The following ZNF334 variants were observed in gnomAD, a reference collection of about 807,000 sequenced individuals.
ZNF334 encodes the protein zinc finger protein 334.
In ZNF334, 14 loss-of-function variants were observed where a neutral mutation model predicts 12.4. The observed-to-expected ratio is 1.13, with a 90% CI of 0.74 to 1.76. The LOEUF is 1.76. ZNF334 is among the 40% of genes most tolerant of loss of function. The pLI, the probability that ZNF334 is intolerant of heterozygous loss-of-function variation, is 0.00. For missense variants in ZNF334, 797 were observed against 804.5 expected (o/e 0.99, Z 0.11); for synonymous variants, 273 against 269.6 (o/e 1.01, Z -0.12).
downstream of ZNF334, among the ~76,000 whole-genome samples, chr20:46,494,994 A>G (rs1481242394): frequency 6.6e-6 from 1 of 152,218 alleles, no homozygotes; most frequent in East Asian, 1.9e-4. Context: ...GCTATTCATA[A>G]CATTCTCATT....
Position 46,512,078 on chromosome 20 carries a change from T to C in ZNF334, c.21+4A>G, listed in dbSNP as rs1314260944. 6.2e-7 allele frequency: 1 copy of C among 1,613,814 alleles called. No homozygotes were observed. Among genetic ancestry groups the C allele is most frequent in the African/African-American group, 1.3e-5 (1 of 75,054 alleles). On this transcript the variant is annotated splice_donor_region_variant and intron_variant, in intron 2 of 4. Transcript: ENST00000692313. ...TGTGAGAAGTAAATCCCTGAGCAAC[T>C]TACCTGAAATTTTTTCATTTTCATG...
the ZNF334 span, chr20:46,464,021 C>T: frequency 9.5e-6 from 6 of 634,774 alleles, no homozygotes; most frequent in Non-Finnish European, 1.5e-5. Flanking sequence ...TCAAAGGTGA[C>T]AACCTCTTCT....
chr20:46,474,334 C>T, the ZNF334 span, among the ~76,000 whole-genome samples: 47 of 151,162 alleles, frequency 3.1e-4, 1 homozygote, highest in East Asian at 3.1e-3. Context: ...GAGCCAAGAC[C>T]ATGCCACTGC....
chr20:46,504,191 C>T (rs747870095), intron 4 of ZNF334, 23 bp downstream of exon 4: 2 of 1,533,282 alleles, frequency 1.3e-6, no homozygotes, highest in Admixed American at 1.8e-5. Context: ...TTGGTTCCAC[C>T]TGCTCAGTTA....
In ZNF334 at chr20:46,501,856, C is replaced by T; in HGVS notation, c.1483G>A (p.Gly495Ser). The T allele has an allele frequency of 6.2e-7, 1 of 1,614,054 alleles. No homozygotes were observed. The highest frequency in any genetic ancestry group is 1.1e-5 in the South Asian group (1 of 91,084). ...GEKHGVFNKC[G>S]RISIVKSNCS... ...TTTGACTTCACAATGGAGATTCTAC[C>T]ACATTTATTAAACACACCATGTTTC... is the stretch of plus-strand genomic sequence containing the variant. The change falls in exon 5 of 5, where the codon GGT becomes AGT. Residue 495 changes from glycine to serine, a missense_variant. Coordinates refer to ENST00000692313, the MANE Select transcript of ZNF334 (RefSeq NM_001353824.2).
At chr20:46,468,179 G>A in the ZNF334 span, among the ~76,000 whole-genome samples, 41,822 of 152,144 alleles carry the variant, frequency 0.27, 6,909 homozygotes, top group African/African-American at 0.47. Flanking sequence ...GGCGGTGCAC[G>A]ACAGCAGCAG....
At chr20:46,508,018 G>A (rs1438980501) in intron 2 of ZNF334, among the ~76,000 whole-genome samples, 1 of 152,170 alleles carries the variant, frequency 6.6e-6, no homozygotes, top group Non-Finnish European at 1.5e-5. Flanking sequence ...AGAAAGTTCT[G>A]TACTTGCTCA....
At chr20:46,483,989 G>A in the ZNF334 span, among the ~76,000 whole-genome samples, 3 of 152,180 alleles carry the variant, frequency 2.0e-5, no homozygotes, top group Non-Finnish European at 2.9e-5. Context: ...GAGAGACTCT[G>A]TCAAATCTTT....
chr20:46,463,930 T>A, the ZNF334 span: 1 of 536,420 alleles, frequency 1.9e-6, no homozygotes, highest in South Asian at 1.5e-5. Context: ...CAGATCATCA[T>A]GGAACAAGTC....
In ZNF334 at chr20:46,500,646, G is replaced by T. The variant is rs1395799625; in HGVS notation, c.*650C>A. ...CTTCTTGACTTAGCTGAAAGCTTCAGGATCATGAACTAGTTATCCTGTGCC... is the reference window on the plus strand; with the variant it reads ...CTTCTTGACTTAGCTGAAAGCTTCATGATCATGAACTAGTTATCCTGTGCC... On this transcript the variant is annotated 3_prime_UTR_variant, in exon 5 of 5. Transcript: ENST00000692313. 1 of 152,208 alleles carries T rather than the reference G, an allele frequency of 6.6e-6. No homozygotes were observed. The highest frequency in any genetic ancestry group is 1.9e-4 in the East Asian group (1 of 5,194). 9.4% of individuals were successfully genotyped at this position (152,208 alleles called of 1,614,324 possible). A position where few individuals can be genotyped will look rare whatever the true frequency, so the allele number is the denominator to read the frequency against.
the ZNF334 span, chr20:46,465,212 C>A: frequency 5.1e-6 from 1 of 195,256 alleles, no homozygotes; most frequent in Non-Finnish European, 1.0e-5. Context: ...GGGATAGCTG[C>A]TGCTGCAGGT....
chr20:46,504,874 T>G (rs1675036241), intron 2 of ZNF334, 134 bp from the exon 3 acceptor site: 8 of 713,930 alleles, frequency 1.1e-5, no homozygotes, highest in Non-Finnish European at 1.7e-5. Flanking sequence ...GGGCAGAAAA[T>G]TAAAAATCTG....
chr20:46,509,471 GC>G (rs2061562765), intron 2 of ZNF334: 2 of 669,606 alleles, frequency 3.0e-6, no homozygotes, highest in South Asian at 3.2e-5. Flanking sequence ...CCAAAGAGGG[GC>G]AAGTTTCCTC....
chr20:46,468,804 G>T, the ZNF334 span, among the ~76,000 whole-genome samples: 3 of 152,166 alleles, frequency 2.0e-5, no homozygotes, highest in South Asian at 6.2e-4. Context: ...CTTTAACATG[G>T]TCTGCAGTCT....
At chr20:46,504,160 A>G in intron 4 of ZNF334, 54 bp downstream of exon 4, 1 of 1,255,350 alleles carries the variant, frequency 8.0e-7, no homozygotes, top group Non-Finnish European at 1.1e-6. Context: ...ACCACCGACC[A>G]CCATGGAACT....
chr20:46,495,428 A>G (rs1256815707), downstream of ZNF334, among the ~76,000 whole-genome samples: 1 of 151,798 alleles, frequency 6.6e-6, no homozygotes, highest in Non-Finnish European at 1.5e-5. Flanking sequence ...TGTTGAATAA[A>G]TGCTTTAACC....
At chr20:46,478,535 T>C in the ZNF334 span, among the ~76,000 whole-genome samples, 3 of 152,164 alleles carry the variant, frequency 2.0e-5, no homozygotes, top group Admixed American at 2.0e-4. Context: ...TATAAATTAT[T>C]CTTATCAGAC....
At chr20:46,470,947 A>G in the ZNF334 span, among the ~76,000 whole-genome samples, 1 of 152,236 alleles carries the variant, frequency 6.6e-6, no homozygotes, top group East Asian at 1.9e-4. Context: ...GAACAAAAGC[A>G]TGAATTTCCA....
chr20:46,506,338 A>G, intron 2 of ZNF334: 1 of 645,006 alleles, frequency 1.6e-6, no homozygotes, highest in South Asian at 1.7e-5. Context: ...GTAAGAAAAC[A>G]CACATGGCCA....
Sources: gnomAD v4.1 joint callset for allele counts (sites outside exome capture counted in the v4.1 genomes callset) on GRCh38, gnomAD v4.1.1 for gene constraint, MANE v1.5 for transcripts, NCBI Gene and HGNC (gene_info 2026-07-23, HGNC 2026-07-21) for gene names.